Variants in ILRUN observed in about 807,000 individuals in gnomAD.
ILRUN encodes protein ILRUN.
Under a neutral mutation model 33.8 loss-of-function variants are expected in ILRUN, and 3 were observed. The observed-to-expected ratio is 0.09, with a 90% confidence interval of 0.04 to 0.23. ILRUN has a LOEUF of 0.23. ILRUN is among the 10% of genes least tolerant of loss of function. The pLI, the probability that ILRUN is intolerant of heterozygous loss-of-function variation, is 1.00. For missense variants in ILRUN, 210 were observed against 375.1 expected (o/e 0.56, Z 3.64); for synonymous variants, 124 against 138.9 (o/e 0.89, Z 0.75).
chr6:34,653,885 C>T (rs1463697408), intron 2 of ILRUN, among the ~76,000 whole-genome samples: 3 of 150,318 alleles, frequency 2.0e-5, no homozygotes, highest in African/African-American at 7.4e-5. Flanking sequence ...GCAGGAGGAT[C>T]GCCTGAGCCC....
At chr6:34,621,283 G>A (rs541216438) in intron 3 of ILRUN, among the ~76,000 whole-genome samples, 2 of 152,272 alleles carry the variant, frequency 1.3e-5, no homozygotes, top group African/African-American at 4.8e-5. Context: ...TTCAAGATAA[G>A]TCACTGTTGA....
At chr6:34,665,949 TA>T (rs201865272) in intron 1 of ILRUN, among the ~76,000 whole-genome samples, 1,493 of 134,304 alleles carry the variant, frequency 0.011, 5 homozygotes, top group Non-Finnish European at 0.012. Context: ...CATCTATGCT[TA>T]AAAAAAAAAA....
intron 3 of ILRUN, among the ~76,000 whole-genome samples, chr6:34,612,781 G>A (rs1009178062): frequency 2.0e-5 from 3 of 152,108 alleles, no homozygotes; most frequent in South Asian, 2.1e-4. Context: ...AGTGGCTCAC[G>A]CCTGCAATCC....
rs1761241998 is a variant in ILRUN, at chr6:34,588,796, G to A, written c.*1769C>T. ...CCCCTTTTATTTTTTGGGGGGTGGGGAGGTGAAGAGGGAATTTCACACAAG... is the reference window on the plus strand; with the variant it reads ...CCCCTTTTATTTTTTGGGGGGTGGGAAGGTGAAGAGGGAATTTCACACAAG... On this transcript the variant is annotated 3_prime_UTR_variant, in exon 5 of 5. Transcript: ENST00000374023. The A allele has an allele frequency of 1.3e-5, 2 of 152,710 alleles. No homozygotes were observed. The highest frequency in any genetic ancestry group is 4.8e-5 in the African/African-American group (2 of 41,448). The allele number at this position is 152,710 out of a possible 1,614,324, so 9.5% of individuals were successfully genotyped here.
chr6:34,683,487 CATATATATATACATATAT>C (rs1763441728), intron 1 of ILRUN, among the ~76,000 whole-genome samples: 1 of 81,884 alleles, frequency 1.2e-5, no homozygotes, highest in Admixed American at 1.3e-4. Context: ...TATATATATA[CATATATATATACATATAT>C]ATATATATAC....
chr6:34,626,992 G>A (rs1020222619), intron 3 of ILRUN, among the ~76,000 whole-genome samples: 10 of 150,634 alleles, frequency 6.6e-5, no homozygotes, highest in Non-Finnish European at 1.0e-4. Context: ...GCAACAGAGC[G>A]AAACTCCATC....
chr6:34,684,063 G>C (rs1354468953), intron 1 of ILRUN, among the ~76,000 whole-genome samples: 1 of 151,692 alleles, frequency 6.6e-6, no homozygotes, highest in African/African-American at 2.4e-5. Context: ...GGGTGACAGA[G>C]CTCTGTACCC....
chr6:34,687,136 AC>A (rs930399014), intron 1 of ILRUN: 4 of 153,416 alleles, frequency 2.6e-5, no homozygotes, highest in African/African-American at 9.7e-5. Flanking sequence ...TATTATGAAG[AC>A]AATAAAATCC....
chr6:34,640,322 G>A (rs556776090), intron 3 of ILRUN, among the ~76,000 whole-genome samples: 3 of 151,854 alleles, frequency 2.0e-5, no homozygotes, highest in Non-Finnish European at 4.4e-5. Flanking sequence ...ACAGGGTGGA[G>A]GAGACCTTTT....
chr6:34,672,659 T>C (rs545468799), intron 1 of ILRUN, among the ~76,000 whole-genome samples: 28 of 151,974 alleles, frequency 1.8e-4, no homozygotes, highest in African/African-American at 6.3e-4. Flanking sequence ...AAATGCAACT[T>C]GAAGGAAACA....
chr6:34,683,497 T>TAC lies in ILRUN; in HGVS notation c.158+12947_158+12948dup, dbSNP rs1238628692. 4.8e-4 allele frequency among the ~76,000 whole-genome samples: 49 copies of TAC among 101,238 alleles called. 1 individual carries two copies. Among genetic ancestry groups the TAC allele is most frequent in the African/African-American group, 1.7e-3 (35 of 20,140 alleles). 66.4% of individuals were successfully genotyped at this position (101,238 alleles called of 152,430 possible). A position where few individuals can be genotyped will look rare whatever the true frequency, so the allele number is the denominator to read the frequency against. On this transcript the variant is annotated intron_variant, in intron 1 of 4. Coordinates refer to ENST00000374023, the MANE Select transcript of ILRUN (RefSeq NM_024294.4). ...ACACATATATATATACATATATATA[T>TAC]ACATATATATATATATACATATATA...
In ILRUN at chr6:34,589,408, G is replaced by A. The variant is rs1380209412; in HGVS notation, c.*1157C>T. 6.6e-6 allele frequency: 1 copy of A among 152,306 alleles called. No homozygotes were observed. Among genetic ancestry groups the A allele is most frequent in the Non-Finnish European group, 1.5e-5 (1 of 68,086 alleles). 9.4% of individuals were successfully genotyped at this position (152,306 alleles called of 1,614,324 possible). A position where few individuals can be genotyped will look rare whatever the true frequency, so the allele number is the denominator to read the frequency against. On this transcript the variant is annotated 3_prime_UTR_variant, in exon 5 of 5. Transcript: ENST00000374023. Reference sequence around the variant, plus strand: ...CTCCAAGATCAAGTAGTCAGTGGCTGGCCCTTCCCCATGACAAATTCCCCC... The same window carrying A: ...CTCCAAGATCAAGTAGTCAGTGGCTAGCCCTTCCCCATGACAAATTCCCCC...
chr6:34,599,836 A>G (rs1343694018), intron 4 of ILRUN, among the ~76,000 whole-genome samples: 1 of 152,246 alleles, frequency 6.6e-6, no homozygotes, highest in African/African-American at 2.4e-5. Context: ...CTTCTACTGC[A>G]TCCTTTCCCC....
intron 1 of ILRUN, among the ~76,000 whole-genome samples, chr6:34,671,100 G>C (rs1342986378): frequency 6.6e-6 from 1 of 152,026 alleles, no homozygotes; most frequent in East Asian, 1.9e-4. Context: ...ATTCAATATA[G>C]AAAAATTTAT....
intron 3 of ILRUN, among the ~76,000 whole-genome samples, chr6:34,613,216 AAACAACAAC>A (rs35446561): frequency 3.6e-4 from 54 of 150,160 alleles, no homozygotes; most frequent in African/African-American, 4.7e-4. Context: ...CCTGTCTCAA[AAACAACAAC>A]AACAACAACA....
At chr6:34,644,892 T>C (rs1156470290) in intron 3 of ILRUN, among the ~76,000 whole-genome samples, 1 of 151,996 alleles carries the variant, frequency 6.6e-6, no homozygotes, top group Non-Finnish European at 1.5e-5. Context: ...AGTGAAAGCA[T>C]ATGGCATCTT....
At chr6:34,638,241 A>T (rs1208986322) in intron 3 of ILRUN, among the ~76,000 whole-genome samples, 1 of 152,126 alleles carries the variant, frequency 6.6e-6, no homozygotes, top group African/African-American at 2.4e-5. Flanking sequence ...ACCAAAACAA[A>T]CAATCACCAC....
Position 34,614,437 on chromosome 6 carries a change from A to ATATATAT in ILRUN, c.512-7534_512-7533insATATATA, listed in dbSNP as rs1321613482. 2.5e-3 allele frequency among the ~76,000 whole-genome samples: 314 copies of ATATATAT among 124,536 alleles called. 5 individuals carry two copies. Among genetic ancestry groups the ATATATAT allele is most frequent in the African/African-American group, 0.011 (288 of 27,278 alleles). The allele number at this position is 124,536 out of a possible 152,430, so 81.7% of individuals were successfully genotyped here. A position where few individuals can be genotyped will look rare whatever the true frequency, so the allele number is the denominator to read the frequency against. On this transcript the variant is annotated intron_variant, in intron 3 of 4. Coordinates refer to ENST00000374023, the MANE Select transcript of ILRUN (RefSeq NM_024294.4). ...ACTCCATCTCAAAAAATAATAAAAA[A>ATATATAT]AAAAAAATATATATATATAAAATGT...
chr6:34,627,253 G>A (rs564970163), intron 3 of ILRUN, among the ~76,000 whole-genome samples: 2 of 152,166 alleles, frequency 1.3e-5, no homozygotes, highest in East Asian at 3.9e-4. Flanking sequence ...TTTTAGTGCT[G>A]AGTTATACTC....
Sources: gnomAD v4.1 joint callset for allele counts (sites outside exome capture counted in the v4.1 genomes callset) on GRCh38, gnomAD v4.1.1 for gene constraint, MANE v1.5 for transcripts, NCBI Gene and HGNC (gene_info 2026-07-23, HGNC 2026-07-21) for gene names.